The following MTMR7 variants were observed in gnomAD, a reference collection of about 807,000 sequenced individuals.
MTMR7 encodes myotubularin related protein 7, also known as phosphatidylinositol-3-phosphate phosphatase MTMR7.
A neutral mutation model predicts 81.2 loss-of-function variants in MTMR7; 76 were observed. That is an observed-to-expected ratio of 0.94 (90% confidence interval 0.78 to 1.13). The LOEUF is 1.13. Among genes scored for constraint, MTMR7 ranks in the 50% most tolerant of loss-of-function variants. The pLI is 0.00. For synonymous variants in MTMR7, 372 were observed against 289.8 expected (o/e 1.28, Z -2.88); for missense variants, 1,044 against 820.0 (o/e 1.27, Z -3.34).
intron 1 of MTMR7, among the ~76,000 whole-genome samples, chr8:17,412,130 G>A (rs1370572102): frequency 1.3e-5 from 2 of 152,122 alleles, no homozygotes; most frequent in Admixed American, 6.5e-5. Context: ...ATTTACTGTC[G>A]GAACTGACAT....
chr8:17,299,545 C>G lies in MTMR7; in HGVS notation c.*317G>C. ...GTGGAGGCTTTTTGAGAGATGCATGCTATGACAAGGAAGATAGATACTGAT... is the reference window on the plus strand; with the variant it reads ...GTGGAGGCTTTTTGAGAGATGCATGGTATGACAAGGAAGATAGATACTGAT... On this transcript the variant is annotated 3_prime_UTR_variant, in exon 14 of 14. Transcript: ENST00000180173. 4.1e-6 allele frequency: 1 copy of G among 242,086 alleles called. No individual in the cohort carries two copies. The highest frequency in any genetic ancestry group is 8.0e-6 in the Non-Finnish European group (1 of 124,356). 15.0% of individuals were successfully genotyped at this position (242,086 alleles called of 1,614,324 possible). A position where few individuals can be genotyped will look rare whatever the true frequency, so the allele number is the denominator to read the frequency against.
intron 4 of MTMR7, among the ~76,000 whole-genome samples, chr8:17,359,103 G>T (rs2150555426): frequency 6.6e-6 from 1 of 152,068 alleles, no homozygotes; most frequent in South Asian, 2.1e-4. Context: ...TCCCTATGTT[G>T]CCCAGGCTGG....
At chr8:17,317,416 C>T (rs1004692060) in intron 7 of MTMR7, among the ~76,000 whole-genome samples, 9 of 152,200 alleles carry the variant, frequency 5.9e-5, no homozygotes, top group Non-Finnish European at 8.8e-5. Context: ...CCTAAGAGGA[C>T]AGCTGGGGCA....
chr8:17,411,416 A>G (rs994321903), intron 1 of MTMR7, among the ~76,000 whole-genome samples: 1 of 152,176 alleles, frequency 6.6e-6, no homozygotes, highest in Non-Finnish European at 1.5e-5. Flanking sequence ...TGACATATTT[A>G]CAACTGCCTC....
At chr8:17,372,808 A>G (rs1455760374) in intron 2 of MTMR7, among the ~76,000 whole-genome samples, 1 of 152,152 alleles carries the variant, frequency 6.6e-6, no homozygotes. Context: ...CTGGAGGATG[A>G]CAATGCTGAA....
rs969170126 is a variant in MTMR7, at chr8:17,349,019, C to A, written c.531G>T (p.Val177=). The change falls in exon 5 of 14, where the codon GTG becomes GTT. Residue 177 remains valine (V), a synonymous_variant. Transcript: ENST00000180173. The part of the protein sequence containing the change: ...VPKSATAHII[V]GSSKFRSRRR... Reference sequence around the variant, plus strand: ...GTCTACTCCGGAATTTGGAACTCCCCACTATGATGTGTGCCGTGGCCGATT... The same window carrying A: ...GTCTACTCCGGAATTTGGAACTCCCAACTATGATGTGTGCCGTGGCCGATT... 6.2e-7 allele frequency: 1 copy of A among 1,613,018 alleles called. No individual in the cohort carries two copies. The highest frequency in any genetic ancestry group is 1.3e-5 in the African/African-American group (1 of 74,536).
At chr8:17,363,402 A>G (rs1318384054) in intron 3 of MTMR7, among the ~76,000 whole-genome samples, 1 of 152,244 alleles carries the variant, frequency 6.6e-6, no homozygotes, top group East Asian at 1.9e-4. Context: ...ATTTACAAAT[A>G]GCTTTAAAGG....
intron 11 of MTMR7, among the ~76,000 whole-genome samples, 158 bp from the exon 12 acceptor site, chr8:17,304,677 T>A (rs1261220851): frequency 1.3e-5 from 2 of 151,756 alleles, no homozygotes; most frequent in Non-Finnish European, 2.9e-5. Flanking sequence ...CTTCATGGTA[T>A]AGAGGGAGAA....
At chr8:17,331,053 C>G (rs894338262) in intron 7 of MTMR7, 97 bp downstream of exon 7, 1 of 1,403,016 alleles carries the variant, frequency 7.1e-7, no homozygotes, top group Non-Finnish European at 9.7e-7. Flanking sequence ...ATTATCACAC[C>G]TATGTAAAAA....
chr8:17,329,486 CAT>C (rs980382583), intron 7 of MTMR7, among the ~76,000 whole-genome samples: 91 of 152,242 alleles, frequency 6.0e-4, no homozygotes, highest in African/African-American at 1.7e-3. Flanking sequence ...AGACCACAGG[CAT>C]AAGGGCAGGA....
intron 1 of MTMR7, among the ~76,000 whole-genome samples, chr8:17,409,646 A>G (rs73211158): frequency 0.065 from 9,934 of 152,264 alleles, 639 homozygotes; most frequent in East Asian, 0.36. Context: ...GGAGCTTGAC[A>G]TTAAATGAAC....
At chr8:17,392,403 T>A (rs1178064453) in intron 1 of MTMR7, among the ~76,000 whole-genome samples, 1 of 152,314 alleles carries the variant, frequency 6.6e-6, no homozygotes, top group Non-Finnish European at 1.5e-5. Flanking sequence ...CTCACAAGCA[T>A]ATAAATGTTT....
At chr8:17,300,582 AGT>A (rs1817046924) in intron 13 of MTMR7, among the ~76,000 whole-genome samples, 1 of 152,230 alleles carries the variant, frequency 6.6e-6, no homozygotes, top group Admixed American at 6.5e-5. Context: ...TCATGAATGA[AGT>A]GTTTATCATC....
In MTMR7 at chr8:17,298,317, T is replaced by A. The variant is rs570897206; in HGVS notation, c.*1545A>T. On this transcript the variant is annotated 3_prime_UTR_variant, in exon 14 of 14. Coordinates refer to ENST00000180173, the MANE Select transcript of MTMR7 (RefSeq NM_004686.5). ...ACTGCTCAGCAGAGAATGCCCAAATTTTATATTCTGAAAGAATTAATTACA... is the reference window on the plus strand; with the variant it reads ...ACTGCTCAGCAGAGAATGCCCAAATATTATATTCTGAAAGAATTAATTACA... 14 of 152,100 alleles carry A rather than the reference T, an allele frequency of 9.2e-5. No individual in the cohort carries two copies. The highest frequency in any genetic ancestry group is 1.9e-4 in the Non-Finnish European group (13 of 67,954). The allele number at this position is 152,100 out of a possible 1,614,324, so 9.4% of individuals were successfully genotyped here. A position where few individuals can be genotyped will look rare whatever the true frequency, so the allele number is the denominator to read the frequency against.
At chr8:17,374,512 T>G (rs1820513817) in intron 1 of MTMR7, among the ~76,000 whole-genome samples, 1 of 151,988 alleles carries the variant, frequency 6.6e-6, no homozygotes, top group Non-Finnish European at 1.5e-5. Flanking sequence ...TCCCAGCTAC[T>G]CAGGAGTATG....
intron 5 of MTMR7, among the ~76,000 whole-genome samples, chr8:17,348,747 A>G (rs1279516556): frequency 6.6e-6 from 1 of 152,086 alleles, no homozygotes; most frequent in Non-Finnish European, 1.5e-5. Flanking sequence ...CTGAATCATT[A>G]CATTACTGTC....
intron 5 of MTMR7, among the ~76,000 whole-genome samples, chr8:17,345,761 T>C (rs1001392938): frequency 2.6e-5 from 4 of 152,164 alleles, no homozygotes; most frequent in Non-Finnish European, 5.9e-5. Context: ...TCATAAAATC[T>C]CGTGCACTTC....
chr8:17,302,148 TCTTA>T lies in MTMR7; in HGVS notation c.1620+2_1620+5del. The stretch of plus-strand genomic sequence containing the variant: ...AAAATAGATTAACAAAGCAAGTATG[TCTTA>T]CTTCTTCCAGGGCCTCTAGTTCTTC... On this transcript the variant is annotated splice_donor_variant and splice_donor_5th_base_variant and intron_variant, in intron 13 of 13. Transcript: ENST00000180173. LOFTEE classifies it high-confidence loss of function. The T allele has an allele frequency of 6.2e-7, 1 of 1,614,094 alleles. No individual in the cohort carries two copies. The highest frequency in any genetic ancestry group is 8.5e-7 in the Non-Finnish European group (1 of 1,179,960).
At chr8:17,342,977 C>T (rs886207177) in intron 5 of MTMR7, among the ~76,000 whole-genome samples, 5 of 151,914 alleles carry the variant, frequency 3.3e-5, no homozygotes, top group African/African-American at 1.2e-4. Flanking sequence ...AAGCTATGTC[C>T]GAAGACCAGA....
Sources: gnomAD v4.1 joint callset for allele counts (sites outside exome capture counted in the v4.1 genomes callset) on GRCh38, gnomAD v4.1.1 for gene constraint, MANE v1.5 for transcripts, NCBI Gene and HGNC (gene_info 2026-07-23, HGNC 2026-07-21) for gene names.